The following CDK13 variants were observed in gnomAD, a reference collection of about 807,000 sequenced individuals.
CDK13 encodes the protein cyclin-dependent kinase 13.
Under a neutral mutation model 137.6 loss-of-function variants are expected in CDK13, and 40 were observed. The observed-to-expected ratio is 0.29, with a 90% CI of 0.23 to 0.38. The LOEUF (loss-of-function observed/expected upper bound fraction) is 0.38, where lower values mean the gene tolerates loss of function less well. Ranked by LOEUF, CDK13 falls within the 10% of genes least tolerant of loss-of-function variation. CDK13 has a pLI of 1.00. For synonymous variants in CDK13, 869 were observed against 760.1 expected (o/e 1.14, Z -2.36); for missense variants, 1,704 against 1,951.8 (o/e 0.87, Z 2.39).
chr7:39,994,175 G>A (rs886469183), intron 2 of CDK13, among the ~76,000 whole-genome samples: 2 of 151,734 alleles, frequency 1.3e-5, no homozygotes, highest in African/African-American at 4.8e-5. Flanking sequence ...TTTTGCTTTT[G>A]GTTATATGAA....
intron 11 of CDK13, among the ~76,000 whole-genome samples, chr7:40,087,867 C>A (rs555787503): frequency 6.6e-6 from 1 of 151,904 alleles, no homozygotes; most frequent in Non-Finnish European, 1.5e-5. Flanking sequence ...AATATATATT[C>A]TTCATTCATA....
At chr7:40,007,513 G>T (rs942155237) in intron 5 of CDK13, among the ~76,000 whole-genome samples, 1 of 152,140 alleles carries the variant, frequency 6.6e-6, no homozygotes, top group African/African-American at 2.4e-5. Flanking sequence ...TGCGACCTCT[G>T]CCTCCCGGGT....
At chr7:40,056,418 C>A (rs1204460201) in intron 7 of CDK13, among the ~76,000 whole-genome samples, 2 of 152,192 alleles carry the variant, frequency 1.3e-5, no homozygotes, top group Non-Finnish European at 2.9e-5. Context: ...TCTGTTCTCT[C>A]CCTGGCTTTA....
At chr7:40,031,023 GATGGATTATAT>G (rs1785367302) in intron 5 of CDK13, among the ~76,000 whole-genome samples, 1 of 152,178 alleles carries the variant, frequency 6.6e-6, no homozygotes, top group African/African-American at 2.4e-5. Flanking sequence ...ACCAGGGATT[GATGGATTATAT>G]ATGGTAAGAG....
At chr7:40,075,632 A>T (rs1038311661) in intron 9 of CDK13, among the ~76,000 whole-genome samples, 1 of 152,174 alleles carries the variant, frequency 6.6e-6, no homozygotes, top group Non-Finnish European at 1.5e-5. Context: ...TAAGCAATGT[A>T]ATTTGACCGA....
rs538543676 is a variant in CDK13, at chr7:40,001,116, G to C, written c.2183-745G>C. On this transcript the variant is annotated intron_variant, in intron 4 of 13. Coordinates refer to ENST00000181839, the MANE Select transcript of CDK13 (RefSeq NM_003718.5). ...ATAGAGTTTTTCTTCTCTGTTCAGA[G>C]AAATTTTTATGCATACATAAGCATA... is the stretch of plus-strand genomic sequence containing the variant. Among the ~76,000 whole-genome samples the C allele has an allele frequency of 2.0e-5, 3 of 151,982 alleles. No homozygotes were observed. In the South Asian group the frequency reaches 6.2e-4, roughly 32 times the overall value.
Position 40,094,789 on chromosome 7 carries a change from A to G in CDK13, c.4348A>G (p.Thr1450Ala). 1 of 1,602,096 alleles carries G rather than the reference A, an allele frequency of 6.2e-7. No homozygotes were observed. Among genetic ancestry groups the G allele is most frequent in the Non-Finnish European group, 8.5e-7 (1 of 1,174,798 alleles). The change falls in exon 14 of 14, where the codon ACT (threonine) becomes GCT (alanine). Residue 1450 changes from threonine to alanine, a missense_variant. Around this residue, in one of 5 missense-constraint regions of CDK13, gnomAD observed 475 missense variants for 579.3 expected, o/e 0.82. Coordinates refer to ENST00000181839, the MANE Select transcript of CDK13 (RefSeq NM_003718.5). ...TGACCCTTCCACGGGGCCAGAGAGT[A>G]CTCATCCTTTGCCAGCAAAGATGCA... is the stretch of plus-strand genomic sequence containing the variant. ...SSDPSTGPES[T>A]HPLPAKMHNY...
At position 39,950,839 on chromosome 7, in the gene CDK13, G is replaced by GGCC; in HGVS notation, c.207_209dup (p.Ala76dup). On this transcript the variant is annotated inframe_insertion, in exon 1 of 14. Transcript: ENST00000181839. ...TGCTCTTCCTGGCTGCTCCCGGCAC[G>GGCC]GCCGCCGCCGCAGCCGCCGCCGCCG... 5.1e-6 allele frequency: 7 copies of GGCC among 1,381,484 alleles called. No individual in the cohort carries two copies. In the East Asian group the frequency reaches 1.5e-4, roughly 30 times the overall value. 85.6% of individuals were successfully genotyped at this position (1,381,484 alleles called of 1,614,324 possible).
chr7:39,966,613 C>T (rs1330667791), intron 1 of CDK13, among the ~76,000 whole-genome samples: 1 of 152,284 alleles, frequency 6.6e-6, no homozygotes, highest in East Asian at 1.9e-4. Context: ...TCTCTGAACT[C>T]GTCGAAGTCA....
intron 1 of CDK13, among the ~76,000 whole-genome samples, chr7:39,978,689 C>T (rs2116223503): frequency 6.6e-6 from 1 of 152,246 alleles, no homozygotes; most frequent in South Asian, 2.1e-4. Flanking sequence ...TAATGGATAT[C>T]TTGTTAAAAT....
rs757890984 is a variant in CDK13, at chr7:40,094,817, A to C, written c.4376A>C (p.Asn1459Thr). ...STHPLPAKMH[N>T]YNYGGNLQEN... is the part of the protein sequence containing the mutation. ...CATCCTTTGCCAGCAAAGATGCACAACTATAACTATGGTGGTAACTTACAG... is the reference window on the plus strand; with the variant it reads ...CATCCTTTGCCAGCAAAGATGCACACCTATAACTATGGTGGTAACTTACAG... The change falls in exon 14 of 14, where the codon AAC (asparagine) becomes ACC (threonine). Residue 1459 changes from asparagine (N) to threonine (T), a missense_variant. Asn to Thr is a moderately conservative substitution (Grantham distance 65). Transcript: ENST00000181839. 1.3e-6 allele frequency: 2 copies of C among 1,582,242 alleles called. No homozygotes were observed. Among genetic ancestry groups the C allele is most frequent in the Non-Finnish European group, 1.7e-6 (2 of 1,164,924 alleles).
chr7:40,003,546 G>A (rs1184051422), intron 5 of CDK13, among the ~76,000 whole-genome samples: 1 of 152,100 alleles, frequency 6.6e-6, no homozygotes, highest in Non-Finnish European at 1.5e-5. Flanking sequence ...GCCCTTTTGA[G>A]TCTGTTATCC....
intron 5 of CDK13, among the ~76,000 whole-genome samples, chr7:40,003,202 ACACACTCT>A (rs1423319817): frequency 0.013 from 1,084 of 80,922 alleles, 3 homozygotes; most frequent in African/African-American, 0.027. Flanking sequence ...ACACACACAC[ACACACTCT>A]CTCTCTCTCT....
At chr7:39,955,743 T>C (rs564669867) in intron 1 of CDK13, among the ~76,000 whole-genome samples, 1 of 152,318 alleles carries the variant, frequency 6.6e-6, no homozygotes, top group South Asian at 2.1e-4. Flanking sequence ...TACTTTGTCT[T>C]TACAAAGATT....
At chr7:40,030,567 A>G (rs963026019) in intron 5 of CDK13, among the ~76,000 whole-genome samples, 4 of 151,060 alleles carry the variant, frequency 2.6e-5, no homozygotes, top group African/African-American at 9.7e-5. Flanking sequence ...TGCCTGGCTA[A>G]TTTGTATTTT....
chr7:40,089,723 A>AGTGTGTGTGT (rs142023627), intron 12 of CDK13, among the ~76,000 whole-genome samples: 4 of 125,154 alleles, frequency 3.2e-5, no homozygotes, highest in Admixed American at 7.5e-5. Flanking sequence ...AGAGAGAGAG[A>AGTGTGTGTGT]GTGTGTGTGT....
chr7:39,979,303 G>A (rs925731324), intron 1 of CDK13, among the ~76,000 whole-genome samples: 2 of 144,688 alleles, frequency 1.4e-5, no homozygotes, highest in African/African-American at 2.6e-5. Context: ...CGCAACCTCC[G>A]CCTCCCAGGT....
rs70996865 is a variant in CDK13 at position 39,957,090 on chromosome 7, CGTGTGT to C, written c.1211+5275_1211+5280del. Among the ~76,000 whole-genome samples the C allele has an allele frequency of 7.4e-3, 1,045 of 140,954 alleles. 8 individuals are homozygous for C. Among genetic ancestry groups the C allele is most frequent in the South Asian group, 0.012 (51 of 4,212 alleles). 92.5% of individuals were successfully genotyped at this position (140,954 alleles called of 152,430 possible). A position where few individuals can be genotyped will look rare whatever the true frequency, so the allele number is the denominator to read the frequency against. On this transcript the variant is annotated intron_variant, in intron 1 of 13. Transcript: ENST00000181839. ...AAACTCAGCTCAAAAATCCCACTGT[CGTGTGT>C]GTGTGTGTGTGTGTGTGTGTGTGTG...
Position 39,950,842 on chromosome 7 carries a change from C to G in CDK13, c.201C>G (p.Ala67=), listed in dbSNP as rs1385805261. 4 of 1,379,626 alleles carry G rather than the reference C, an allele frequency of 2.9e-6. No individual in the cohort carries two copies. The highest frequency in any genetic ancestry group is 3.7e-6 in the Non-Finnish European group (4 of 1,077,258). The allele number at this position is 1,379,626 out of a possible 1,614,324, so 85.5% of individuals were successfully genotyped here. A position where few individuals can be genotyped will look rare whatever the true frequency, so the allele number is the denominator to read the frequency against. ...PLLFLAAPGT[A]AAAAAAAAAS... is the part of the protein sequence containing the mutation. ...TCTTCCTGGCTGCTCCCGGCACGGCCGCCGCCGCAGCCGCCGCCGCCGCGG... is the reference window on the plus strand; with the variant it reads ...TCTTCCTGGCTGCTCCCGGCACGGCGGCCGCCGCAGCCGCCGCCGCCGCGG... The change falls in exon 1 of 14, where the codon GCC becomes GCG. Residue 67 remains alanine (A), a synonymous_variant. Transcript: ENST00000181839.
Sources: gnomAD v4.1 joint callset for allele counts (sites outside exome capture counted in the v4.1 genomes callset) on GRCh38, gnomAD v4.1.1 for gene constraint, gnomAD v4.1.1 regional missense constraint, MANE v1.5 for transcripts, NCBI Gene and HGNC (gene_info 2026-07-23, HGNC 2026-07-21) for gene names.